Variants in NFX1 observed in about 807,000 individuals in gnomAD.
NFX1 encodes the protein transcriptional repressor NF-X1.
Under a neutral mutation model 137.2 loss-of-function variants are expected in NFX1, and 69 were observed. The ratio of observed to expected loss-of-function variants is 0.50; its 90% CI spans 0.41 to 0.61. NFX1 has a LOEUF of 0.61. Among genes scored for constraint, NFX1 ranks in the 20% least tolerant of loss-of-function variants. The pLI is 0.00. For missense variants in NFX1, 1,167 were observed against 1,391.0 expected (o/e 0.84, Z 2.56); for synonymous variants, 495 against 474.1 (o/e 1.04, Z -0.57).
chr9:33,336,933 C>G (rs949637303), intron 11 of NFX1, among the ~76,000 whole-genome samples: 11 of 152,198 alleles, frequency 7.2e-5, no homozygotes, highest in Non-Finnish European at 1.0e-4. Flanking sequence ...GAAACCCCGT[C>G]TCTACTAAAA....
At chr9:33,307,164 C>T (rs955861042) in intron 4 of NFX1, 30 bp from the exon 5 acceptor site, 2 of 1,569,574 alleles carry the variant, frequency 1.3e-6, no homozygotes, top group Non-Finnish European at 1.8e-6. Context: ...GAAGTTTGTA[C>T]CATTGACTCT....
intron 14 of NFX1, among the ~76,000 whole-genome samples, chr9:33,345,035 A>G (rs1415268097): frequency 3.5e-5 from 5 of 143,238 alleles, no homozygotes; most frequent in Non-Finnish European, 6.1e-5. Flanking sequence ...TGTGGCGGGC[A>G]CCTGTAATCT....
At chr9:33,347,702 CATT>C (rs1823477820) in intron 15 of NFX1, 1 of 439,316 alleles carries the variant, frequency 2.3e-6, no homozygotes, top group Non-Finnish European at 4.6e-6. Flanking sequence ...GAAAAGAAGT[CATT>C]ATATGAAAAA....
chr9:33,349,017 T>A (rs1227855360), intron 15 of NFX1, among the ~76,000 whole-genome samples: 1 of 152,258 alleles, frequency 6.6e-6, no homozygotes, highest in African/African-American at 2.4e-5. Context: ...TCCACTGATT[T>A]CCTGTGGGTG....
At chr9:33,335,696 C>T (rs2118523463) in intron 11 of NFX1, among the ~76,000 whole-genome samples, 1 of 152,236 alleles carries the variant, frequency 6.6e-6, no homozygotes, top group African/African-American at 2.4e-5. Context: ...ATTAATTAAG[C>T]ATTTACTCCC....
chr9:33,296,174 C>G (rs767110744), intron 2 of NFX1, among the ~76,000 whole-genome samples: 1 of 152,158 alleles, frequency 6.6e-6, no homozygotes, highest in South Asian at 2.1e-4. Context: ...TGATCCGCCT[C>G]GGCTTCCCAA....
At position 33,369,967 on chromosome 9, in the gene NFX1, G is replaced by A. The variant is rs145038884; in HGVS notation, c.3352G>A (p.Val1118Ile). 7.3e-5 allele frequency: 118 copies of A among 1,611,826 alleles called. No individual in the cohort carries two copies. The African/African-American group carries it at 8.8e-4, about 12-fold the overall frequency. Residue 1118 changes from valine to isoleucine, a missense_variant, in exon 24 of 24, where the codon GTC becomes ATC. Val to Ile is a conservative substitution (Grantham distance 29). Transcript: ENST00000379540. ...TKEPIIDYFD[V>I]QD ...GGAGCCAATAATTGACTATTTTGACGTCCAGGACTAAGAAGATCATGATGC... is the reference window on the plus strand; with the variant it reads ...GGAGCCAATAATTGACTATTTTGACATCCAGGACTAAGAAGATCATGATGC...
chr9:33,347,150 A>G (rs1300545778), intron 15 of NFX1, 33 bp downstream of exon 15: 5 of 1,484,718 alleles, frequency 3.4e-6, no homozygotes, highest in Non-Finnish European at 3.7e-6. Flanking sequence ...TCATTGTTCC[A>G]GGCAGAGGTT....
intron 11 of NFX1, among the ~76,000 whole-genome samples, chr9:33,333,980 A>G (rs1404441983): frequency 6.6e-6 from 1 of 152,100 alleles, no homozygotes; most frequent in African/African-American, 2.4e-5. Flanking sequence ...CCCCATCTCT[A>G]CTAAAAATAC....
At chr9:33,346,736 G>A (rs1021871299) in intron 14 of NFX1, among the ~76,000 whole-genome samples, 3 of 152,184 alleles carry the variant, frequency 2.0e-5, no homozygotes, top group African/African-American at 4.8e-5. Context: ...AAAGAATGAC[G>A]TAGTAGAATT....
intron 22 of NFX1, among the ~76,000 whole-genome samples, 195 bp downstream of exon 22, chr9:33,366,969 A>G (rs1824187918): frequency 6.6e-6 from 1 of 152,266 alleles, no homozygotes; most frequent in Non-Finnish European, 1.5e-5. Context: ...CTCGACCCAC[A>G]GGGCAGATGC....
At chr9:33,297,889 G>A (rs1239690264) in intron 2 of NFX1, among the ~76,000 whole-genome samples, 4 of 152,188 alleles carry the variant, frequency 2.6e-5, no homozygotes, top group African/African-American at 9.7e-5. Flanking sequence ...TCAAGGGGAG[G>A]AGATTATATA....
Position 33,323,066 on chromosome 9 carries a change from G to A in NFX1, c.1906+3939G>A, listed in dbSNP as rs376952589. 5.3e-5 allele frequency among the ~76,000 whole-genome samples: 8 copies of A among 152,260 alleles called. No individual in the cohort carries two copies. The South Asian group carries it at 6.2e-4, about 12-fold the overall frequency. On this transcript the variant is annotated intron_variant, in intron 9 of 23. Transcript: ENST00000379540. ...AATTAATGGATCCTTGAGACTGAGC[G>A]TAATCCAAATAAGGCACACAGTTTA... is the stretch of plus-strand genomic sequence containing the variant.
intron 11 of NFX1, among the ~76,000 whole-genome samples, chr9:33,335,237 T>C (rs1363051397): frequency 6.7e-6 from 1 of 150,204 alleles, no homozygotes; most frequent in African/African-American, 2.5e-5. Context: ...CTTTTTTTTT[T>C]TTTTTTTTTT....
intron 5 of NFX1, among the ~76,000 whole-genome samples, chr9:33,309,372 AAACTT>A (rs975671450): frequency 9.9e-5 from 15 of 152,186 alleles, no homozygotes; most frequent in African/African-American, 3.4e-4. Flanking sequence ...AAAAAAAAAA[AAACTT>A]AATCCTCTGC....
At chr9:33,306,936 GTA>G (rs566355206) in intron 4 of NFX1, among the ~76,000 whole-genome samples, 3 of 152,184 alleles carry the variant, frequency 2.0e-5, no homozygotes, top group Non-Finnish European at 4.4e-5. Flanking sequence ...AGTCAAGATA[GTA>G]TTTTCGTAAG....
intron 11 of NFX1, among the ~76,000 whole-genome samples, chr9:33,334,042 G>T (rs1165954159): frequency 6.6e-6 from 1 of 152,212 alleles, no homozygotes; most frequent in African/African-American, 2.4e-5. Context: ...CTACTCAGGA[G>T]GCTGAGGCAG....
chr9:33,323,605 T>G (rs1189182488), intron 9 of NFX1, among the ~76,000 whole-genome samples: 3 of 151,646 alleles, frequency 2.0e-5, no homozygotes, highest in African/African-American at 7.3e-5. Context: ...ATACAAAAAT[T>G]AGCTGGGCAT....
At chr9:33,306,139 TAGAG>T (rs972030981) in intron 4 of NFX1, among the ~76,000 whole-genome samples, 12 of 152,072 alleles carry the variant, frequency 7.9e-5, no homozygotes, top group African/African-American at 2.9e-4. Flanking sequence ...TTTGGCCAGT[TAGAG>T]AGGCAGGAAC....
Sources: gnomAD v4.1 joint callset for allele counts (sites outside exome capture counted in the v4.1 genomes callset) on GRCh38, gnomAD v4.1.1 for gene constraint, MANE v1.5 for transcripts, NCBI Gene and HGNC (gene_info 2026-07-23, HGNC 2026-07-21) for gene names.